The following RANGAP1 variants were observed in gnomAD, a reference collection of about 807,000 sequenced individuals.
The protein encoded by RANGAP1 is Ran GTPase activating protein 1, also known as ran GTPase-activating protein 1.
Under a neutral mutation model 63.5 loss-of-function variants are expected in RANGAP1, and 38 were observed. That is an observed-to-expected ratio of 0.60 (90% CI 0.46 to 0.78). RANGAP1 has a LOEUF of 0.78. Among genes scored for constraint, RANGAP1 ranks in the 30% least tolerant of loss-of-function variants. The pLI is 0.00. For synonymous variants in RANGAP1, 329 were observed against 310.5 expected (o/e 1.06, Z -0.63); for missense variants, 630 against 740.3 (o/e 0.85, Z 1.73).
intron 2 of RANGAP1, among the ~76,000 whole-genome samples, chr22:41,278,211 G>C (rs1386969084): frequency 6.6e-6 from 1 of 152,064 alleles, no homozygotes; most frequent in Non-Finnish European, 1.5e-5. Context: ...GCTAATTTTT[G>C]TATTTGTAGT....
intron 6 of RANGAP1, 44 bp from the exon 7 acceptor site, chr22:41,258,150 G>A: frequency 3.2e-6 from 5 of 1,551,636 alleles, no homozygotes; most frequent in Non-Finnish European, 4.4e-6. Flanking sequence ...CGAGTGCCAG[G>A]TGACATCCAG....
At position 41,246,606 on chromosome 22, in the gene RANGAP1, G is replaced by A. The variant is rs530601838; in HGVS notation, c.1761C>T (p.Val587=). Residue 587 remains valine, a synonymous_variant, in exon 16 of 16, where the codon GTC becomes GTT. Coordinates refer to ENST00000356244, the MANE Select transcript of RANGAP1 (RefSeq NM_002883.4). ...AGGGATGGGAGAGGCTTTGAGTCTA[G>A]ACCTTGTACAGCGTCTGCAGCAGAC... The part of the protein sequence containing the change: ...RHSLLQTLYK[V] The A allele has an allele frequency of 6.4e-7, 1 of 1,571,450 alleles. No homozygotes were observed. The highest frequency in any genetic ancestry group is 8.7e-7 in the Non-Finnish European group (1 of 1,155,896).
chr22:41,263,631 C>T (rs1029513136), intron 5 of RANGAP1, among the ~76,000 whole-genome samples: 8 of 152,230 alleles, frequency 5.3e-5, no homozygotes, highest in Non-Finnish European at 1.0e-4. Context: ...GTGATCTGCC[C>T]GACTCGGCCT....
At chr22:41,294,889 G>A in the RANGAP1 span, among the ~76,000 whole-genome samples, 1 of 16,792 alleles carries the variant, frequency 6.0e-5, no homozygotes, top group Admixed American at 7.1e-4. Context: ...GTGGGGGGGT[G>A]AGCCCCCCGC....
the RANGAP1 span, among the ~76,000 whole-genome samples, chr22:41,296,155 G>A: frequency 6.6e-6 from 1 of 151,916 alleles, no homozygotes; most frequent in Non-Finnish European, 1.5e-5. Flanking sequence ...TCTACTGAAA[G>A]CCATTGTACA....
rs1300869116 is a variant in RANGAP1, at chr22:41,245,445, C to A, written c.*1158G>T. Among the ~76,000 whole-genome samples, 2 of 152,228 alleles carry A rather than the reference C, an allele frequency of 1.3e-5. No homozygotes were observed. Among genetic ancestry groups the A allele is most frequent in the Non-Finnish European group, 2.9e-5 (2 of 68,028 alleles). On this transcript the variant is annotated 3_prime_UTR_variant, in exon 16 of 16. Coordinates refer to ENST00000356244, the MANE Select transcript of RANGAP1 (RefSeq NM_002883.4). Reference sequence around the variant, plus strand: ...GGCCAGGCAGGAAAATGGGCCCCCACTCAGGACTGCCACTTCCCAGGTAGT... The same window carrying A: ...GGCCAGGCAGGAAAATGGGCCCCCAATCAGGACTGCCACTTCCCAGGTAGT...
the RANGAP1 span, among the ~76,000 whole-genome samples, chr22:41,300,428 TCA>T: frequency 0.12 from 4,214 of 35,708 alleles, 323 homozygotes; most frequent in South Asian, 0.15. Flanking sequence ...TATTGGGAAC[TCA>T]CACACACACA....
intron 8 of RANGAP1, 128 bp downstream of exon 8, chr22:41,256,583 A>G: frequency 1.3e-6 from 1 of 781,256 alleles, no homozygotes; most frequent in Non-Finnish European, 2.0e-6. Flanking sequence ...ACAGCATCAC[A>G]GGGCCCGAAG....
At chr22:41,250,853 C>T (rs919329933) in intron 13 of RANGAP1, among the ~76,000 whole-genome samples, 154 bp downstream of exon 13, 5 of 152,142 alleles carry the variant, frequency 3.3e-5, no homozygotes, top group East Asian at 1.9e-4. Context: ...GCTGGCTCCA[C>T]GGCAGGACCC....
chr22:41,251,436 G>A (rs1214343632), intron 12 of RANGAP1, among the ~76,000 whole-genome samples: 3 of 152,070 alleles, frequency 2.0e-5, no homozygotes, highest in South Asian at 2.1e-4. Flanking sequence ...GACCAGCCTA[G>A]GCAACATAGC....
Position 41,264,832 on chromosome 22 carries a change from C to T in RANGAP1, c.312G>A (p.Gly104=), listed in dbSNP as rs2034374198. The change falls in exon 5 of 16, where the codon GGG becomes GGA. Residue 104 remains glycine, a synonymous_variant. Transcript: ENST00000356244. The part of the protein sequence containing the change: ...TEIPPALISL[G]EGLITAGAQL... The stretch of plus-strand genomic sequence containing the variant: ...GAGCCCCAGCTGTGATGAGTCCTTC[C>T]CCTAGTGAGATCTGGGCACAGAGGA... 6.2e-7 allele frequency: 1 copy of T among 1,607,502 alleles called. No individual in the cohort carries two copies. The highest frequency in any genetic ancestry group is 8.5e-7 in the Non-Finnish European group (1 of 1,174,484).
intron 14 of RANGAP1, 76 bp downstream of exon 14, chr22:41,249,653 G>A: frequency 1.9e-6 from 3 of 1,553,034 alleles, no homozygotes; most frequent in Non-Finnish European, 2.7e-6. Context: ...AGGGAGGTTG[G>A]CGGGCATGGC....
In RANGAP1 at chr22:41,261,515, C is replaced by G; in HGVS notation, c.546G>C (p.Leu182=). The G allele has an allele frequency of 6.2e-7, 1 of 1,614,276 alleles. No individual in the cohort carries two copies. Among genetic ancestry groups the G allele is most frequent in the South Asian group, 1.1e-5 (1 of 91,088 alleles). The change falls in exon 6 of 16, where the codon CTG becomes CTC. Residue 182 remains leucine, a synonymous_variant. Transcript: ENST00000356244. ...KSSAQGKPLA[L]KVFVAGRNRL... ...GGTTTCTGCCAGCCACAAAGACCTT[C>G]AGGGCCAGAGGCTTGCCTTGGGCAC...
At chr22:41,255,892 T>C (rs2033799597) in intron 10 of RANGAP1, 129 bp downstream of exon 10, 4 of 906,840 alleles carry the variant, frequency 4.4e-6, no homozygotes, top group Non-Finnish European at 5.0e-6. Context: ...AGGTGGAAGC[T>C]GCAGTGAGCC....
In RANGAP1 at chr22:41,256,119, G is replaced by A; in HGVS notation, c.989-14C>T. 1 of 1,614,050 alleles carries A rather than the reference G, an allele frequency of 6.2e-7. No individual in the cohort carries two copies. Among genetic ancestry groups the A allele is most frequent in the Non-Finnish European group, 8.5e-7 (1 of 1,179,974 alleles). On this transcript the variant is annotated splice_polypyrimidine_tract_variant and intron_variant, in intron 9 of 15. Coordinates refer to ENST00000356244, the MANE Select transcript of RANGAP1 (RefSeq NM_002883.4). ...CCAGGGTGTTGCCTGCTCAAGGGGA[G>A]GGAAGAGCAGTCAGCCGGGGTGCCA...
chr22:41,270,839 G>T lies in RANGAP1; in HGVS notation c.241-2683C>A, dbSNP rs768833717. On this transcript the variant is annotated intron_variant, in intron 3 of 15. Coordinates refer to ENST00000356244, the MANE Select transcript of RANGAP1 (RefSeq NM_002883.4). ...GTTCCACCTGCACGTGGGTCCACAG[G>T]GCCAGGAACAGGCAGCCGGAGCCGG... Among the ~76,000 whole-genome samples, 155 of 152,202 alleles carry T rather than the reference G, an allele frequency of 1.0e-3. 3 individuals carry two copies. Among genetic ancestry groups the T allele is most frequent in the Non-Finnish European group, 3.4e-4 (23 of 68,036 alleles).
chr22:41,266,381 C>A (rs1440734377), intron 4 of RANGAP1, among the ~76,000 whole-genome samples: 2 of 152,152 alleles, frequency 1.3e-5, no homozygotes, highest in Non-Finnish European at 2.9e-5. Context: ...CTTCCCCATT[C>A]CTACAGAGTC....
chr22:41,284,951 G>A (rs2035679725), intron 1 of RANGAP1: 1 of 152,280 alleles, frequency 6.6e-6, no homozygotes, highest in East Asian at 1.9e-4. Flanking sequence ...CTTTAGACCA[G>A]GGTTCGAGAC....
the RANGAP1 span, among the ~76,000 whole-genome samples, chr22:41,291,596 T>TAAAAA: frequency 6.6e-5 from 7 of 106,078 alleles, no homozygotes; most frequent in African/African-American, 1.9e-4. Flanking sequence ...AGATCCATCT[T>TAAAAA]AAAAAAAAAA....
Sources: allele counts gnomAD v4.1 joint callset (sites outside exome capture counted in the v4.1 genomes callset), GRCh38; gene constraint gnomAD v4.1.1; transcripts MANE v1.5; gene names NCBI Gene and HGNC (gene_info 2026-07-23, HGNC 2026-07-21).